The following ARHGEF10L variants were observed in gnomAD, a reference collection of about 807,000 sequenced individuals.
ARHGEF10L encodes Rho guanine nucleotide exchange factor 10 like, also known as rho guanine nucleotide exchange factor 10-like protein.
In ARHGEF10L, 69 loss-of-function variants were observed where a neutral mutation model predicts 141.2. The observed-to-expected ratio is 0.49, with a 90% CI of 0.40 to 0.60. The LOEUF is 0.60. ARHGEF10L is among the 20% of genes least tolerant of loss of function. The probability of loss-of-function intolerance (pLI) is 0.00; values close to 1 mark genes in which losing one functional copy is unlikely to be tolerated. For missense variants in ARHGEF10L, 1,482 were observed against 1,734.3 expected (o/e 0.85, Z 2.58); for synonymous variants, 711 against 718.5 (o/e 0.99, Z 0.17).
intron 27 of ARHGEF10L, among the ~76,000 whole-genome samples, chr1:17,692,357 C>T (rs1013574033): frequency 5.9e-5 from 9 of 152,084 alleles, no homozygotes; most frequent in Non-Finnish European, 1.2e-4. Flanking sequence ...TGCTTGATAG[C>T]TCCATTCGGG....
At chr1:17,555,672 TCAGA>T (rs2077277684) in intron 1 of ARHGEF10L, among the ~76,000 whole-genome samples, 1 of 152,218 alleles carries the variant, frequency 6.6e-6, no homozygotes, top group African/African-American at 2.4e-5. Context: ...GCTTTTAAAC[TCAGA>T]CACTGTGGAC....
the ARHGEF10L span, among the ~76,000 whole-genome samples, chr1:17,516,324 C>T: frequency 1.9e-3 from 289 of 152,376 alleles, 1 homozygote; most frequent in African/African-American, 6.6e-3. Context: ...CCCTCCTTTG[C>T]CCTCCTCGGG....
At chr1:17,632,084 G>A (rs938264671) in intron 15 of ARHGEF10L, among the ~76,000 whole-genome samples, 8 of 152,170 alleles carry the variant, frequency 5.3e-5, no homozygotes, top group Non-Finnish European at 1.2e-4. Context: ...GGGCCCACAC[G>A]GGTGCTGGTG....
At chr1:17,633,593 C>T (rs967787403) in intron 16 of ARHGEF10L, among the ~76,000 whole-genome samples, 4 of 152,098 alleles carry the variant, frequency 2.6e-5, no homozygotes, top group East Asian at 1.9e-4. Flanking sequence ...CTCAGGTGAT[C>T]GGCCCGCCTC....
intron 11 of ARHGEF10L, 36 bp from the exon 12 acceptor site, chr1:17,622,960 G>T (rs1301517683): frequency 6.3e-7 from 1 of 1,590,354 alleles, no homozygotes; most frequent in Middle Eastern, 2.3e-4. Context: ...AGAGGCTGCG[G>T]CCTGGCCTGC....
At chr1:17,658,607 A>G (rs1321293486) in intron 25 of ARHGEF10L, among the ~76,000 whole-genome samples, 1 of 152,038 alleles carries the variant, frequency 6.6e-6, no homozygotes, top group Non-Finnish European at 1.5e-5. Flanking sequence ...CCTTGCAAAC[A>G]TGTGTGTACC....
At chr1:17,606,024 G>A (rs1465786342) in intron 6 of ARHGEF10L, among the ~76,000 whole-genome samples, 1 of 152,070 alleles carries the variant, frequency 6.6e-6, no homozygotes, top group Admixed American at 6.5e-5. Context: ...CCAACCTCTC[G>A]CACCCCACCT....
chr1:17,531,012 A>C, the ARHGEF10L span, among the ~76,000 whole-genome samples: 1 of 152,080 alleles, frequency 6.6e-6, no homozygotes, highest in African/African-American at 2.4e-5. Context: ...CTCAAAAAAA[A>C]ATAAAAATAA....
At chr1:17,570,232 A>T (rs978479481) in intron 1 of ARHGEF10L, among the ~76,000 whole-genome samples, 1 of 152,234 alleles carries the variant, frequency 6.6e-6, no homozygotes, top group Non-Finnish European at 1.5e-5. Flanking sequence ...CCACATTCTC[A>T]TAGGAGGAAA....
rs754540058 is a variant in ARHGEF10L at position 17,656,542 on chromosome 1, C to T, written c.2706-12C>T. The T allele has an allele frequency of 2.5e-6, 4 of 1,604,272 alleles. No individual in the cohort carries two copies. The South Asian group carries it at 3.3e-5, about 13-fold the overall frequency. On this transcript the variant is annotated splice_polypyrimidine_tract_variant and intron_variant, in intron 24 of 28. Transcript: ENST00000361221. The surrounding 1 kb of genome is among the most constrained non-coding windows in gnomAD (Gnocchi z 4.9). ...AGTGTGTCATGACCGCTTCTCCAAC[C>T]TCTCCCCGCAGCATCCTCCTCTACA...
chr1:17,545,818 G>A (rs910684816), intron 1 of ARHGEF10L, among the ~76,000 whole-genome samples: 7 of 152,296 alleles, frequency 4.6e-5, no homozygotes, highest in African/African-American at 1.2e-4. Flanking sequence ...AGGGATGTGC[G>A]GAGTGTAGCA....
At chr1:17,652,972 C>T (rs757363983) in intron 22 of ARHGEF10L, among the ~76,000 whole-genome samples, 1 of 152,222 alleles carries the variant, frequency 6.6e-6, no homozygotes. Flanking sequence ...GTCTCCTGCT[C>T]ATCCTTGATG....
At chr1:17,670,312 T>G (rs1210584880) in intron 26 of ARHGEF10L, among the ~76,000 whole-genome samples, 2 of 152,238 alleles carry the variant, frequency 1.3e-5, no homozygotes, top group Non-Finnish European at 2.9e-5. Flanking sequence ...GCCCACCAAC[T>G]GCTTGTTCAG....
chr1:17,542,864 T>A (rs931847746), intron 1 of ARHGEF10L, among the ~76,000 whole-genome samples: 3 of 152,200 alleles, frequency 2.0e-5, no homozygotes, highest in African/African-American at 7.2e-5. Context: ...CCCTGGCCAC[T>A]CAGTCCTTGC....
chr1:17,547,070 C>T, intron 1 of ARHGEF10L, among the ~76,000 whole-genome samples: 1 of 152,262 alleles, frequency 6.6e-6, no homozygotes, highest in Non-Finnish European at 1.5e-5. Context: ...CTCCCAGGGC[C>T]TGGCCCGGCT....
At chr1:17,541,350 G>A (rs1272176978) in intron 1 of ARHGEF10L, among the ~76,000 whole-genome samples, 3 of 152,226 alleles carry the variant, frequency 2.0e-5, no homozygotes, top group Non-Finnish European at 4.4e-5. Context: ...TGGAACAGGG[G>A]CCATGTCTGT....
chr1:17,524,364 TACACACACACACACACACACAC>T, the ARHGEF10L span, among the ~76,000 whole-genome samples: 52 of 116,064 alleles, frequency 4.5e-4, no homozygotes, highest in South Asian at 6.7e-3. Context: ...ACCCCGTCTC[TACACACACACACACACACACAC>T]ACACACACAC....
intron 1 of ARHGEF10L, among the ~76,000 whole-genome samples, chr1:17,557,805 C>A (rs1303127579): frequency 6.6e-6 from 1 of 152,172 alleles, no homozygotes; most frequent in Admixed American, 6.5e-5. Context: ...GTAAAGGAGA[C>A]AGACGGTGAT....
At chr1:17,614,224 C>T (rs1289736673) in intron 8 of ARHGEF10L, among the ~76,000 whole-genome samples, 1 of 143,186 alleles carries the variant, frequency 7.0e-6, no homozygotes, top group East Asian at 2.0e-4. Flanking sequence ...GGAGAGCAGA[C>T]CCTTTACAGT....
Sources: gnomAD v4.1 joint callset for allele counts (sites outside exome capture counted in the v4.1 genomes callset) on GRCh38, gnomAD v4.1.1 for gene constraint, Gnocchi (gnomAD v3.1) non-coding constraint, MANE v1.5 for transcripts, NCBI Gene and HGNC (gene_info 2026-07-23, HGNC 2026-07-21) for gene names.